Variants in FNBP4 observed in about 807,000 individuals in gnomAD.
FNBP4 encodes formin-binding protein 4.
Under a neutral mutation model 119.3 loss-of-function variants are expected in FNBP4, and 34 were observed. That is an observed-to-expected ratio of 0.28 (90% CI 0.22 to 0.38). The LOEUF is 0.38. FNBP4 is among the 10% of genes least tolerant of loss of function. The pLI is 1.00. For synonymous variants in FNBP4, 462 were observed against 430.6 expected, an observed-to-expected ratio of 1.07 and a Z score of -0.90; for missense variants, 1,112 against 1,228.9, an observed-to-expected ratio of 0.90 and a Z score of 1.42.
At chr11:47,742,233 C>T (rs2097583041) in intron 8 of FNBP4, among the ~76,000 whole-genome samples, 1 of 151,996 alleles carries the variant, frequency 6.6e-6, no homozygotes, top group Non-Finnish European at 1.5e-5. Flanking sequence ...ACTCCCACTG[C>T]TTTGGGAGGC....
intron 2 of FNBP4, among the ~76,000 whole-genome samples, chr11:47,763,709 C>A (rs1359074610): frequency 6.6e-6 from 1 of 152,068 alleles, no homozygotes; most frequent in Non-Finnish European, 1.5e-5. Flanking sequence ...ACCGTGTTAG[C>A]CAGGATGGTC....
At chr11:47,745,154 T>C (rs2097587908) in intron 7 of FNBP4, among the ~76,000 whole-genome samples, 1 of 152,248 alleles carries the variant, frequency 6.6e-6, no homozygotes, top group Non-Finnish European at 1.5e-5. Flanking sequence ...GTTTGAACAG[T>C]ATGAAATCAG....
chr11:47,742,548 G>A (rs915040229), intron 8 of FNBP4, among the ~76,000 whole-genome samples: 1 of 143,658 alleles, frequency 7.0e-6, no homozygotes, highest in African/African-American at 2.5e-5. Flanking sequence ...AGATAAAGAG[G>A]ATTTACAGAA....
At chr11:47,733,373 C>G (rs1040437731) in intron 10 of FNBP4, among the ~76,000 whole-genome samples, 1 of 151,570 alleles carries the variant, frequency 6.6e-6, no homozygotes, top group African/African-American at 2.4e-5. Flanking sequence ...GACTCTGGCT[C>G]TGTTGCCCAG....
rs1291114923 is a variant in FNBP4, at chr11:47,716,803, C to T, written c.*619G>A. Reference sequence around the variant, plus strand: ...GAGTGTCTTGTTGTATTTACTGCCACATACTTGAGGGGAAATTCTCAAAAT... The same window carrying T: ...GAGTGTCTTGTTGTATTTACTGCCATATACTTGAGGGGAAATTCTCAAAAT... On this transcript the variant is annotated 3_prime_UTR_variant, in exon 17 of 17. Coordinates refer to ENST00000263773, the MANE Select transcript of FNBP4 (RefSeq NM_015308.5). 6.6e-6 allele frequency: 1 copy of T among 152,590 alleles called. No individual in the cohort carries two copies. The highest frequency in any genetic ancestry group is 1.5e-5 in the Non-Finnish European group (1 of 68,080). The allele number at this position is 152,590 out of a possible 1,614,324, so 9.5% of individuals were successfully genotyped here. A position where few individuals can be genotyped will look rare whatever the true frequency, so the allele number is the denominator to read the frequency against.
chr11:47,754,459 C>T, intron 3 of FNBP4, 69 bp downstream of exon 3: 2 of 1,525,318 alleles, frequency 1.3e-6, no homozygotes, highest in Admixed American at 3.6e-5. Flanking sequence ...GACAAGTACG[C>T]TGACCACTTA....
At chr11:47,746,445 C>G (rs1418899683) in intron 6 of FNBP4, 51 bp from the exon 7 acceptor site, 2 of 1,409,628 alleles carry the variant, frequency 1.4e-6, no homozygotes, top group Non-Finnish European at 1.9e-6. Context: ...ACAAATCTCA[C>G]CTGCACATAC....
chr11:47,741,098 A>AC (rs1261036458), intron 8 of FNBP4, among the ~76,000 whole-genome samples: 1 of 146,726 alleles, frequency 6.8e-6, no homozygotes, highest in African/African-American at 2.6e-5. Flanking sequence ...CGAACTCCTG[A>AC]CCTCAGGTGA....
At chr11:47,750,804 T>G in intron 6 of FNBP4, 112 bp downstream of exon 6, 1 of 1,103,606 alleles carries the variant, frequency 9.1e-7, no homozygotes. Context: ...ATGAAACTTA[T>G]CCTATTTCAC....
Position 47,753,041 on chromosome 11 carries a change from G to C in FNBP4, c.512C>G (p.Pro171Arg). The C allele has an allele frequency of 6.2e-7, 1 of 1,614,134 alleles. No homozygotes were observed. Among genetic ancestry groups the C allele is most frequent in the Non-Finnish European group, 8.5e-7 (1 of 1,179,998 alleles). Reference sequence around the variant, plus strand: ...CTTTGGCTCTGGTCGAGGTGGAGTTGGAGGTGGAGCAGAAGCTCCTACAGG... The same window carrying C: ...CTTTGGCTCTGGTCGAGGTGGAGTTCGAGGTGGAGCAGAAGCTCCTACAGG... ...AAPVGASAPP[P>R]TPPRPEPKEA... Residue 171 changes from proline to arginine, a missense_variant, in exon 4 of 17, where the codon CCA becomes CGA. Pro to Arg is a moderately radical substitution (Grantham distance 103). Transcript: ENST00000263773.
At chr11:47,758,248 C>A (rs1401507459) in intron 2 of FNBP4, among the ~76,000 whole-genome samples, 1 of 152,112 alleles carries the variant, frequency 6.6e-6, no homozygotes, top group African/African-American at 2.4e-5. Flanking sequence ...CTGCGCCTGG[C>A]TAACTTTGGT....
rs773313180 is a variant in FNBP4 at position 47,731,387 on chromosome 11, A to G, written c.1995T>C (p.Ser665=). 1.1e-5 allele frequency: 18 copies of G among 1,611,520 alleles called. No homozygotes were observed. In the South Asian group the frequency reaches 1.9e-4, roughly 17 times the overall value. Residue 665 remains serine, a synonymous_variant, in exon 12 of 17, where the codon TCT becomes TCC. Coordinates refer to ENST00000263773, the MANE Select transcript of FNBP4 (RefSeq NM_015308.5). ...AAATTGTCTCACCTGTGGAAGTTTC[A>G]GAGGATTCTGTTGAATTTGAATCAG... The part of the protein sequence containing the change: ...TGTDSNSTES[S]ETSTGSLCKE...
At chr11:47,736,496 G>T in intron 9 of FNBP4, 120 bp downstream of exon 9, 2 of 717,786 alleles carry the variant, frequency 2.8e-6, no homozygotes, top group South Asian at 3.9e-5. Context: ...GCAGGCAGAG[G>T]TTGCAGTGAG....
At chr11:47,735,112 C>T (rs932901271) in intron 9 of FNBP4, among the ~76,000 whole-genome samples, 11 of 151,596 alleles carry the variant, frequency 7.3e-5, no homozygotes, top group Non-Finnish European at 1.2e-4. Flanking sequence ...TCCAAGGTAA[C>T]GTGATATGTA....
In FNBP4 at chr11:47,734,064, T is replaced by A. The variant is rs79878695; in HGVS notation, c.1647A>T (p.Gln549His). ...SKFEFLGINR[Q>H]SISNFHVLLL... ...GCAGCACATGAAAGTTGGAGATGGA[T>A]TGTCTATTAATGCCTAGAAACTCGA... The change falls in exon 10 of 17, where the codon CAA (glutamine) becomes CAT (histidine). Residue 549 changes from glutamine to histidine, a missense_variant. Coordinates refer to ENST00000263773, the MANE Select transcript of FNBP4 (RefSeq NM_015308.5). The A allele has an allele frequency of 3.1e-6, 5 of 1,591,696 alleles. No individual in the cohort carries two copies. The highest frequency in any genetic ancestry group is 4.5e-5 in the East Asian group (2 of 44,510).
chr11:47,746,454 A>G (rs557487565), intron 6 of FNBP4, 60 bp from the exon 7 acceptor site: 62 of 1,336,944 alleles, frequency 4.6e-5, no homozygotes, highest in Non-Finnish European at 6.1e-5. Context: ...ACCTGCACAT[A>G]CATTCAATTG....
In FNBP4 at chr11:47,732,077, C is replaced by G; in HGVS notation, c.1820+460G>C. ...AGATTTCAAATAACGAAAAAAAAAT[C>G]AAGAAAAGCCAAATATATAAAGAAA... On this transcript the variant is annotated intron_variant, in intron 11 of 16. Coordinates refer to ENST00000263773, the MANE Select transcript of FNBP4 (RefSeq NM_015308.5). This position sits in a 1 kb window ranked among gnomAD's most constrained non-coding sequence, Gnocchi z 4.2. 3 of 992,222 alleles carry G rather than the reference C, an allele frequency of 3.0e-6. No homozygotes were observed. The highest frequency in any genetic ancestry group is 3.6e-6 in the Non-Finnish European group (3 of 834,686). 61.5% of individuals were successfully genotyped at this position (992,222 alleles called of 1,614,324 possible).
chr11:47,739,907 T>TA (rs2097579431), intron 8 of FNBP4, among the ~76,000 whole-genome samples: 1 of 152,082 alleles, frequency 6.6e-6, no homozygotes, highest in East Asian at 1.9e-4. Context: ...GCCTCCCGAG[T>TA]AGCTGGGATT....
intron 4 of FNBP4, among the ~76,000 whole-genome samples, chr11:47,751,566 C>T (rs2097604106): frequency 6.6e-6 from 1 of 151,926 alleles, no homozygotes; most frequent in South Asian, 2.1e-4. Flanking sequence ...CTAGGGGCAC[C>T]CCCCAACACT....
Sources: gnomAD v4.1 joint callset for allele counts (sites outside exome capture counted in the v4.1 genomes callset) on GRCh38, gnomAD v4.1.1 for gene constraint, Gnocchi (gnomAD v3.1) non-coding constraint, MANE v1.5 for transcripts, NCBI Gene and HGNC (gene_info 2026-07-23, HGNC 2026-07-21) for gene names.